Variants in TRERF1 observed in about 807,000 individuals in gnomAD.
The protein encoded by TRERF1 is transcriptional regulating factor 1, also known as transcriptional-regulating factor 1.
In TRERF1, 27 loss-of-function variants were observed where a neutral mutation model predicts 122.9. That is an observed-to-expected ratio of 0.22 (90% CI 0.16 to 0.30). The LOEUF (loss-of-function observed/expected upper bound fraction) is 0.30. TRERF1 is among the 10% of genes least tolerant of loss of function. The pLI, the probability that TRERF1 is intolerant of heterozygous loss-of-function variation, is 1.00. For synonymous variants in TRERF1, 636 were observed against 641.7 expected (o/e 0.99, Z 0.13); for missense variants, 1,248 against 1,560.3 (o/e 0.80, Z 3.37).
chr6:42,306,258 T>A (rs991634888), intron 3 of TRERF1, among the ~76,000 whole-genome samples: 1 of 152,088 alleles, frequency 6.6e-6, no homozygotes, highest in East Asian at 1.9e-4. Context: ...TGCCTCAGCC[T>A]CCCAAAGTGC....
At position 42,259,560 on chromosome 6, in the gene TRERF1, T is replaced by C; in HGVS notation, c.2048A>G (p.Tyr683Cys). The C allele has an allele frequency of 6.2e-7, 1 of 1,613,650 alleles. No individual in the cohort carries two copies. Among genetic ancestry groups the C allele is most frequent in the East Asian group, 2.2e-5 (1 of 44,860 alleles). The change falls in exon 9 of 18, where the codon TAC becomes TGC. Residue 683 changes from tyrosine (Y) to cysteine (C), a missense_variant. By Grantham distance (194) the Tyr-to-Cys change is radical. Transcript: ENST00000372922. The surrounding 1 kb of genome is among the most constrained non-coding windows in gnomAD (Gnocchi z 4.9). ...GCGCGGGGAGCGCAGCTGGCTCTGG[T>C]ACAGGGTGGCGCCCGAGTAGGAGGC... is the stretch of plus-strand genomic sequence containing the variant.
chr6:42,280,599 C>T (rs920494974), intron 4 of TRERF1, among the ~76,000 whole-genome samples: 6 of 152,202 alleles, frequency 3.9e-5, no homozygotes, highest in Non-Finnish European at 8.8e-5. Context: ...TGCCTGACGA[C>T]ATCTCCCCTG....
At chr6:42,264,611 C>T (rs940729544) in intron 7 of TRERF1, 93 bp downstream of exon 7, 20 of 1,539,182 alleles carry the variant, frequency 1.3e-5, no homozygotes, top group African/African-American at 1.2e-4. Flanking sequence ...CGCCAGGTCC[C>T]GCATGGGGCT....
intron 3 of TRERF1, among the ~76,000 whole-genome samples, chr6:42,315,941 T>TG (rs1762424477): frequency 6.6e-6 from 1 of 152,056 alleles, no homozygotes; most frequent in Admixed American, 6.5e-5. Flanking sequence ...TCACGGTACC[T>TG]GGAAGATGCA....
chr6:42,295,642 C>T (rs779920696), intron 4 of TRERF1, among the ~76,000 whole-genome samples: 3 of 152,150 alleles, frequency 2.0e-5, no homozygotes, highest in African/African-American at 7.2e-5. Context: ...TGAAGGGCAT[C>T]GTGTTTTTCC....
chr6:42,379,418 G>A (rs1775514281), intron 2 of TRERF1, among the ~76,000 whole-genome samples: 2 of 152,058 alleles, frequency 1.3e-5, no homozygotes, highest in African/African-American at 4.8e-5. Flanking sequence ...CAAGGGCCTG[G>A]AGGCCTTTCA....
chr6:42,357,348 A>G (rs1009575343), intron 3 of TRERF1, among the ~76,000 whole-genome samples: 2 of 151,676 alleles, frequency 1.3e-5, no homozygotes, highest in Non-Finnish European at 2.9e-5. Flanking sequence ...AAAAAAAAAA[A>G]AAAAATCCAG....
At chr6:42,334,072 C>T (rs1765723830) in intron 3 of TRERF1, among the ~76,000 whole-genome samples, 1 of 151,964 alleles carries the variant, frequency 6.6e-6, no homozygotes, top group South Asian at 2.1e-4. Flanking sequence ...TACACATGCA[C>T]ATACACATGA....
chr6:42,232,832 C>T lies in TRERF1; in HGVS notation c.3127G>A (p.Val1043Met). The stretch of plus-strand genomic sequence containing the variant: ...GGGATGGCACCTCGGGCCTTGGTCA[C>T]CTGGTTGGTGCCCCCGTGGATGCGG... The change falls in exon 17 of 18, where the codon GTG becomes ATG. Residue 1043 changes from valine (V) to methionine (M), a missense_variant. Val to Met is a conservative substitution (Grantham distance 21). Transcript: ENST00000372922. The surrounding 1 kb of genome is among the most constrained non-coding windows in gnomAD (Gnocchi z 4.5). The T allele has an allele frequency of 6.2e-7, 1 of 1,612,272 alleles. No individual in the cohort carries two copies. The highest frequency in any genetic ancestry group is 8.5e-7 in the Non-Finnish European group (1 of 1,179,220).
chr6:42,274,603 T>C (rs13205170), intron 4 of TRERF1, among the ~76,000 whole-genome samples: 16,000 of 151,842 alleles, frequency 0.11, 1,059 homozygotes, highest in African/African-American at 0.19. Context: ...CCCTTGAACT[T>C]GGGAGGTCAA....
chr6:42,237,272 T>C (rs1399088072), intron 15 of TRERF1, among the ~76,000 whole-genome samples: 2 of 152,168 alleles, frequency 1.3e-5, no homozygotes, highest in African/African-American at 4.8e-5. Context: ...CTGGAATAGC[T>C]TGGAGTGGGT....
intron 2 of TRERF1, among the ~76,000 whole-genome samples, chr6:42,406,247 C>T (rs201824711): frequency 2.0e-5 from 3 of 152,198 alleles, no homozygotes; most frequent in South Asian, 2.1e-4. Context: ...AACTGCTTCC[C>T]GAAAATCAGT....
At chr6:42,340,701 A>C (rs1182376192) in intron 3 of TRERF1, among the ~76,000 whole-genome samples, 1 of 152,178 alleles carries the variant, frequency 6.6e-6, no homozygotes, top group East Asian at 1.9e-4. Flanking sequence ...CCTAGGCTCA[A>C]GCGATCCTCC....
At chr6:42,321,580 T>C (rs1375742762) in intron 3 of TRERF1, among the ~76,000 whole-genome samples, 2 of 152,016 alleles carry the variant, frequency 1.3e-5, no homozygotes, top group Admixed American at 1.3e-4. Context: ...GTCATGCAAG[T>C]AAGTAAATAA....
At chr6:42,371,408 C>G (rs951962337) in intron 2 of TRERF1, among the ~76,000 whole-genome samples, 1 of 152,136 alleles carries the variant, frequency 6.6e-6, no homozygotes, top group Admixed American at 6.5e-5. Flanking sequence ...TCTAGGCCAA[C>G]AGGAGTGGGT....
chr6:42,279,644 G>A (rs1470087914), intron 4 of TRERF1, among the ~76,000 whole-genome samples: 3 of 152,192 alleles, frequency 2.0e-5, no homozygotes, highest in African/African-American at 7.2e-5. Context: ...CGGCAGGTGG[G>A]CAGCACAGAC....
At chr6:42,415,089 A>G (rs1781639829) in intron 2 of TRERF1, among the ~76,000 whole-genome samples, 1 of 152,210 alleles carries the variant, frequency 6.6e-6, no homozygotes, top group Non-Finnish European at 1.5e-5. Context: ...GATCTCTTCC[A>G]ATCTGATAGG....
At chr6:42,261,502 A>C (rs1320949475) in intron 8 of TRERF1, among the ~76,000 whole-genome samples, 6 of 151,708 alleles carry the variant, frequency 4.0e-5, no homozygotes, top group Admixed American at 1.3e-4. Context: ...TTTGGGGGTG[A>C]GGCCAAGCAC....
intron 3 of TRERF1, among the ~76,000 whole-genome samples, chr6:42,342,926 A>C (rs497051): frequency 1.3e-5 from 2 of 152,020 alleles, no homozygotes; most frequent in Non-Finnish European, 2.9e-5. Context: ...TAAAGTTGGC[A>C]TGCCATCCTA....
Sources: allele counts gnomAD v4.1 joint callset (sites outside exome capture counted in the v4.1 genomes callset), GRCh38; gene constraint gnomAD v4.1.1; non-coding constraint Gnocchi (gnomAD v3.1); transcripts MANE v1.5; gene names NCBI Gene and HGNC (gene_info 2026-07-23, HGNC 2026-07-21).